WNT3: variants seen among roughly 807,000 people sequenced by gnomAD.
The protein encoded by WNT3 is Wnt family member 3.
WNT3 carries 7 observed loss-of-function variants against 34.2 expected under a neutral mutation model. The observed-to-expected ratio is 0.20, with a 90% CI of 0.12 to 0.38. The LOEUF is 0.38. Among genes scored for constraint, WNT3 ranks in the 10% least tolerant of loss-of-function variants. The pLI is 1.00. For synonymous variants in WNT3, 212 were observed against 211.5 expected, an observed-to-expected ratio of 1.00 and a Z score of -0.02; for missense variants, 267 against 499.8, an observed-to-expected ratio of 0.53 and a Z score of 4.44.
intron 2 of WNT3, 31 bp downstream of exon 2, chr17:46,773,637 C>T: frequency 3.9e-6 from 2 of 515,920 alleles, no homozygotes; most frequent in Non-Finnish European, 3.3e-6. Context: ...CCCACCCAGC[C>T]CCTCCCCCCC....
chr17:46,775,321 C>T (rs546626978), intron 1 of WNT3, among the ~76,000 whole-genome samples: 1 of 152,316 alleles, frequency 6.6e-6, no homozygotes, highest in Non-Finnish European at 1.5e-5. Context: ...TGCCTTCCCC[C>T]GGGTCCCTCC....
At chr17:46,784,777 CTTTTTTT>C (rs138267924) in intron 1 of WNT3, among the ~76,000 whole-genome samples, 2 of 129,296 alleles carry the variant, frequency 1.5e-5, no homozygotes, top group Non-Finnish European at 3.2e-5. Flanking sequence ...TTTTGCTTTT[CTTTTTTT>C]TTTTTTTTTG....
At chr17:46,801,036 G>A (rs2084118399) in intron 1 of WNT3, among the ~76,000 whole-genome samples, 1 of 152,164 alleles carries the variant, frequency 6.6e-6, no homozygotes. Flanking sequence ...AACTCACTGA[G>A]TACACACCTG....
intron 1 of WNT3, among the ~76,000 whole-genome samples, chr17:46,808,424 A>G (rs1463861536): frequency 1.3e-5 from 2 of 152,254 alleles, no homozygotes; most frequent in African/African-American, 4.8e-5. Flanking sequence ...TTTGGGGAAC[A>G]AAGTAGAATA....
At chr17:46,776,819 T>C (rs2059416080) in intron 1 of WNT3, among the ~76,000 whole-genome samples, 1 of 152,152 alleles carries the variant, frequency 6.6e-6, no homozygotes, top group Non-Finnish European at 1.5e-5. Flanking sequence ...ATGGGACCAC[T>C]GGAGCGGAGA....
chr17:46,773,320 T>C (rs546085712), intron 2 of WNT3, among the ~76,000 whole-genome samples: 1 of 152,060 alleles, frequency 6.6e-6, no homozygotes, highest in South Asian at 2.1e-4. Flanking sequence ...GTGGCAATGC[T>C]CTCACCCCCA....
chr17:46,782,961 G>C (rs2059474237), intron 1 of WNT3, among the ~76,000 whole-genome samples: 1 of 152,234 alleles, frequency 6.6e-6, no homozygotes, highest in Non-Finnish European at 1.5e-5. Context: ...AGGTGGGGCT[G>C]TGTCCTGTGG....
At chr17:46,782,656 A>C (rs2059471763) in intron 1 of WNT3, among the ~76,000 whole-genome samples, 1 of 152,184 alleles carries the variant, frequency 6.6e-6, no homozygotes, top group Non-Finnish European at 1.5e-5. Flanking sequence ...ATGTGTGCAC[A>C]CCGTGGGGCT....
intron 1 of WNT3, among the ~76,000 whole-genome samples, chr17:46,809,406 A>G (rs1219642724): frequency 6.6e-6 from 1 of 152,172 alleles, no homozygotes; most frequent in Non-Finnish European, 1.5e-5. Flanking sequence ...GCCCAGGGGC[A>G]GGTTTCCCAG....
chr17:46,780,563 A>T (rs199510), intron 1 of WNT3, among the ~76,000 whole-genome samples: 6 of 152,116 alleles, frequency 3.9e-5, no homozygotes, highest in Admixed American at 1.3e-4. Context: ...CCGAGGCGGG[A>T]GGATCACGAG....
In WNT3 at chr17:46,768,856, A is replaced by C. The variant is rs1371752820; in HGVS notation, c.589-57T>G. On this transcript the variant is annotated intron_variant, in intron 3 of 4. Transcript: ENST00000225512. The surrounding 1 kb of genome is among the most constrained non-coding windows in gnomAD (Gnocchi z 5.0). ...ACCGACCCCACGAGGGGGCACATCCAGGCCTTCCCTCTCTGCCACTGCCCA... is the reference window on the plus strand; with the variant it reads ...ACCGACCCCACGAGGGGGCACATCCCGGCCTTCCCTCTCTGCCACTGCCCA... The C allele has an allele frequency of 6.3e-7, 1 of 1,587,652 alleles. No homozygotes were observed. Among genetic ancestry groups the C allele is most frequent in the African/African-American group, 1.3e-5 (1 of 74,702 alleles).
chr17:46,787,766 C>T (rs897283466), intron 1 of WNT3, among the ~76,000 whole-genome samples: 5 of 152,146 alleles, frequency 3.3e-5, no homozygotes, highest in African/African-American at 1.2e-4. Flanking sequence ...CCAGCCTGGC[C>T]AACATGGCGA....
chr17:46,768,936 G>C lies in WNT3; in HGVS notation c.589-137C>G. Reference sequence around the variant, plus strand: ...CTGTGACAGGAAGAGAACTGATGGGGACTGAGGCAAGACCTAAAGAATAGT... The same window carrying C: ...CTGTGACAGGAAGAGAACTGATGGGCACTGAGGCAAGACCTAAAGAATAGT... On this transcript the variant is annotated intron_variant, in intron 3 of 4. Coordinates refer to ENST00000225512, the MANE Select transcript of WNT3 (RefSeq NM_030753.5). The surrounding 1 kb of genome is among the most constrained non-coding windows in gnomAD (Gnocchi z 5.0). 7.4e-7 allele frequency: 1 copy of C among 1,344,352 alleles called. No homozygotes were observed. Among genetic ancestry groups the C allele is most frequent in the Non-Finnish European group, 1.0e-6 (1 of 1,004,102 alleles). The allele number at this position is 1,344,352 out of a possible 1,614,324, so 83.3% of individuals were successfully genotyped here.
At chr17:46,813,923 C>T (rs1015043793) in intron 1 of WNT3, among the ~76,000 whole-genome samples, 1 of 152,220 alleles carries the variant, frequency 6.6e-6, no homozygotes, top group Non-Finnish European at 1.5e-5. Flanking sequence ...GTTTCTCCAC[C>T]TTTGTCAGTG....
intron 1 of WNT3, among the ~76,000 whole-genome samples, chr17:46,787,324 G>A (rs1400822698): frequency 6.6e-6 from 1 of 152,072 alleles, no homozygotes; most frequent in Non-Finnish European, 1.5e-5. Context: ...AACAATAGGA[G>A]TGTCCTGGAA....
rs1174248049 is a variant in WNT3 at position 46,781,409 on chromosome 17, T to C, written c.81-7500A>G. Among the ~76,000 whole-genome samples the C allele has an allele frequency of 4.3e-5, 6 of 138,736 alleles. No homozygotes were observed. The Admixed American group carries it at 4.4e-4, about 10-fold the overall frequency. The allele number at this position is 138,736 out of a possible 152,430, so 91.0% of individuals were successfully genotyped here. A position where few individuals can be genotyped will look rare whatever the true frequency, so the allele number is the denominator to read the frequency against. On this transcript the variant is annotated intron_variant, in intron 1 of 4. Coordinates refer to ENST00000225512, the MANE Select transcript of WNT3 (RefSeq NM_030753.5). ...GCTTAGGCAACAGAGTAAGACTCTG[T>C]CTCAAAAAAAAAAAAAGGAATGAAA...
intron 3 of WNT3, among the ~76,000 whole-genome samples, chr17:46,769,315 CAAA>C (rs60504646): frequency 8.8e-5 from 9 of 102,852 alleles, no homozygotes; most frequent in Admixed American, 2.0e-4. Flanking sequence ...GACTCCGTCT[CAAA>C]AAAAAAAAAA....
intron 4 of WNT3, among the ~76,000 whole-genome samples, chr17:46,767,416 C>T (rs752040960): frequency 2.6e-5 from 4 of 152,132 alleles, no homozygotes; most frequent in Non-Finnish European, 5.9e-5. Context: ...GAGGTTGGTA[C>T]GATTTATGCT....
At chr17:46,800,805 C>T (rs529450884) in intron 1 of WNT3, among the ~76,000 whole-genome samples, 4 of 152,126 alleles carry the variant, frequency 2.6e-5, no homozygotes, top group Non-Finnish European at 5.9e-5. Context: ...ACAGTCTAGT[C>T]CATGAAATAG....
Sources: allele counts gnomAD v4.1 joint callset (sites outside exome capture counted in the v4.1 genomes callset), GRCh38; gene constraint gnomAD v4.1.1; non-coding constraint Gnocchi (gnomAD v3.1); transcripts MANE v1.5; gene names NCBI Gene and HGNC (gene_info 2026-07-23, HGNC 2026-07-21).